The following CSMD1 variants were observed in gnomAD, a reference collection of about 807,000 sequenced individuals.
CSMD1 encodes CUB and Sushi multiple domains 1.
In CSMD1, 213 loss-of-function variants were observed where a neutral mutation model predicts 417.5. That is an observed-to-expected ratio of 0.51 (90% confidence interval 0.46 to 0.57). The LOEUF is 0.57. CSMD1 is among the 20% of genes least tolerant of loss of function. The pLI, the probability that CSMD1 is intolerant of heterozygous loss-of-function variation, is 0.00. For missense variants in CSMD1, 6,923 were observed against 4,529.7 expected (o/e 1.53, Z -15.17); for synonymous variants, 2,862 against 1,736.8 (o/e 1.65, Z -16.11).
chr8:4,915,123 G>C (rs1805963544), intron 1 of CSMD1, among the ~76,000 whole-genome samples: 1 of 152,104 alleles, frequency 6.6e-6, no homozygotes, highest in Non-Finnish European at 1.5e-5. Context: ...ACCAACTGTG[G>C]TTGCCGAACG....
chr8:3,912,086 A>G (rs1450510222), intron 5 of CSMD1, among the ~76,000 whole-genome samples: 2 of 152,162 alleles, frequency 1.3e-5, no homozygotes. Context: ...TCAAACCCTA[A>G]ATCAATAAAT....
At chr8:4,906,728 T>C (rs1805306646) in intron 1 of CSMD1, among the ~76,000 whole-genome samples, 1 of 152,306 alleles carries the variant, frequency 6.6e-6, no homozygotes, top group East Asian at 1.9e-4. Flanking sequence ...AGCTAATTTT[T>C]GTATTTTTTT....
chr8:3,493,351 T>G, intron 11 of CSMD1, among the ~76,000 whole-genome samples: 1 of 151,966 alleles, frequency 6.6e-6, no homozygotes, highest in East Asian at 1.9e-4. Context: ...TTTATTGTTT[T>G]TTGCTACCTC....
At chr8:4,084,018 C>G (rs1356495734) in intron 3 of CSMD1, among the ~76,000 whole-genome samples, 2 of 152,042 alleles carry the variant, frequency 1.3e-5, no homozygotes, top group African/African-American at 2.4e-5. Context: ...ACAACCCCAT[C>G]AAGAAGTGGG....
intron 2 of CSMD1, among the ~76,000 whole-genome samples, chr8:4,439,930 A>T (rs780670478): frequency 6.6e-6 from 1 of 152,164 alleles, no homozygotes; most frequent in Non-Finnish European, 1.5e-5. Flanking sequence ...GAGTAATAAT[A>T]TATGTTTACA....
intron 3 of CSMD1, among the ~76,000 whole-genome samples, chr8:4,041,369 C>A (rs549141890): frequency 6.6e-6 from 1 of 152,124 alleles, no homozygotes; most frequent in African/African-American, 2.4e-5. Context: ...TAAATTTTCG[C>A]AAAACTATGA....
intron 3 of CSMD1, among the ~76,000 whole-genome samples, chr8:4,325,253 G>T (rs1263516721): frequency 1.3e-5 from 2 of 152,176 alleles, no homozygotes; most frequent in Non-Finnish European, 1.5e-5. Flanking sequence ...CGACTTTCAA[G>T]ACCTTCTTCT....
intron 41 of CSMD1, among the ~76,000 whole-genome samples, chr8:3,122,574 G>T (rs976478049): frequency 1.3e-5 from 2 of 152,170 alleles, no homozygotes; most frequent in African/African-American, 4.8e-5. Flanking sequence ...GAGGGACCCA[G>T]GGGAGGTAAT....
chr8:4,145,372 A>C (rs1450908886), intron 3 of CSMD1, among the ~76,000 whole-genome samples: 6 of 151,174 alleles, frequency 4.0e-5, no homozygotes, highest in African/African-American at 1.5e-4. Context: ...AAAATGTCCC[A>C]AACATTATAT....
intron 11 of CSMD1, among the ~76,000 whole-genome samples, chr8:3,471,386 T>C (rs1418510123): frequency 5.3e-5 from 8 of 152,320 alleles, no homozygotes; most frequent in East Asian, 3.9e-4. Context: ...GATTTAAATA[T>C]AGTCAATTTT....
rs1316712087 is a variant in CSMD1 at position 3,932,916 on chromosome 8, A to C, written c.818+64987T>G. 2.0e-5 allele frequency among the ~76,000 whole-genome samples: 3 copies of C among 150,398 alleles called. 1 individual carries two copies. The highest frequency in any genetic ancestry group is 4.4e-5 in the Non-Finnish European group (3 of 67,506). ...TTCCAATAGCAACACACTTCTATTT[A>C]GTAAAGTAACTAAATCTTTTTTAAA... On this transcript the variant is annotated intron_variant, in intron 5 of 69. Transcript: ENST00000635120.
intron 5 of CSMD1, among the ~76,000 whole-genome samples, chr8:3,941,858 C>T (rs566420211): frequency 6.6e-6 from 1 of 152,128 alleles, no homozygotes; most frequent in African/African-American, 2.4e-5. Flanking sequence ...GGGTCCCCAA[C>T]CCTGGCTATG....
intron 40 of CSMD1, among the ~76,000 whole-genome samples, chr8:3,147,565 G>A (rs1818918622): frequency 1.3e-5 from 2 of 152,326 alleles, no homozygotes; most frequent in Non-Finnish European, 2.9e-5. Flanking sequence ...ACCACGGGAA[G>A]CTACATTGTA....
intron 1 of CSMD1, among the ~76,000 whole-genome samples, chr8:4,905,807 G>C (rs551460315): frequency 3.2e-5 from 4 of 126,642 alleles, no homozygotes; most frequent in South Asian, 2.6e-4. Context: ...GCCACAGAGC[G>C]AGACTCCATC....
At chr8:4,444,101 G>T (rs975854669) in intron 2 of CSMD1, among the ~76,000 whole-genome samples, 2 of 151,992 alleles carry the variant, frequency 1.3e-5, no homozygotes, top group African/African-American at 4.8e-5. Context: ...CAGCACTTTG[G>T]GAGGTCGAGG....
intron 10 of CSMD1, among the ~76,000 whole-genome samples, chr8:3,518,476 A>C (rs1797372880): frequency 6.6e-6 from 1 of 152,214 alleles, no homozygotes; most frequent in Non-Finnish European, 1.5e-5. Context: ...TGCTTTTGTA[A>C]AATCTCATTG....
At chr8:3,717,862 A>G (rs187432802) in intron 6 of CSMD1, among the ~76,000 whole-genome samples, 108 of 152,262 alleles carry the variant, frequency 7.1e-4, no homozygotes, top group Admixed American at 1.2e-3. Flanking sequence ...TGTACATTAC[A>G]CCAATCACCT....
At chr8:3,659,218 G>T (rs759142129) in intron 7 of CSMD1, among the ~76,000 whole-genome samples, 1 of 152,188 alleles carries the variant, frequency 6.6e-6, no homozygotes, top group Admixed American at 6.5e-5. Context: ...GGAAGCCCAG[G>T]GAGGTGAAAT....
chr8:4,907,406 C>G (rs1805360649), intron 1 of CSMD1, among the ~76,000 whole-genome samples: 1 of 152,170 alleles, frequency 6.6e-6, no homozygotes, highest in Admixed American at 6.5e-5. Context: ...GTATGAATTA[C>G]TGCAAATAGG....
Sources: allele counts gnomAD v4.1 joint callset (sites outside exome capture counted in the v4.1 genomes callset), GRCh38; gene constraint gnomAD v4.1.1; transcripts MANE v1.5; gene names NCBI Gene and HGNC (gene_info 2026-07-23, HGNC 2026-07-21).